Variants in SLC35F1 observed in about 807,000 individuals in gnomAD.
The protein encoded by SLC35F1 is chromosome 6 open reading frame 169.
SLC35F1 carries 14 observed loss-of-function variants against 48.7 expected under a neutral mutation model. That is an observed-to-expected ratio of 0.29 (90% CI 0.19 to 0.45). The LOEUF (loss-of-function observed/expected upper bound fraction) is 0.45. SLC35F1 is among the 20% of genes least tolerant of loss of function. The pLI is 1.00. For missense variants in SLC35F1, 404 were observed against 500.0 expected (o/e 0.81, Z 1.83); for synonymous variants, 190 against 202.2 (o/e 0.94, Z 0.51).
chr6:117,973,745 A>G (rs1370787721), intron 1 of SLC35F1, among the ~76,000 whole-genome samples: 1 of 152,136 alleles, frequency 6.6e-6, no homozygotes, highest in East Asian at 1.9e-4. Context: ...CTTGTTTTAT[A>G]GAAACTATAC....
chr6:117,953,217 C>T (rs935601206), intron 1 of SLC35F1, among the ~76,000 whole-genome samples: 6 of 152,098 alleles, frequency 3.9e-5, no homozygotes, highest in Non-Finnish European at 7.4e-5. Flanking sequence ...CTACATTTGG[C>T]AGAGAATGTA....
At chr6:118,172,402 T>C (rs139815899) in intron 2 of SLC35F1, among the ~76,000 whole-genome samples, 31 of 152,240 alleles carry the variant, frequency 2.0e-4, no homozygotes, top group African/African-American at 7.2e-4. Flanking sequence ...TCTGCACTCT[T>C]GTGGCATTTT....
At chr6:118,251,152 G>A (rs1775569742) in intron 3 of SLC35F1, among the ~76,000 whole-genome samples, 1 of 152,042 alleles carries the variant, frequency 6.6e-6, no homozygotes, top group Non-Finnish European at 1.5e-5. Context: ...GCTGGACATG[G>A]TGGCATGTGC....
chr6:118,199,396 A>C (rs1774843636), intron 2 of SLC35F1, among the ~76,000 whole-genome samples: 1 of 152,188 alleles, frequency 6.6e-6, no homozygotes, highest in African/African-American at 2.4e-5. Context: ...ATTCTATGTC[A>C]ATAAATTTTC....
At chr6:118,005,092 C>G (rs1016708702) in intron 1 of SLC35F1, among the ~76,000 whole-genome samples, 1 of 152,068 alleles carries the variant, frequency 6.6e-6, no homozygotes, top group African/African-American at 2.4e-5. Flanking sequence ...CAGAGGAGGT[C>G]TTACAGAAAG....
intron 1 of SLC35F1, among the ~76,000 whole-genome samples, chr6:118,082,630 T>C (rs760938812): frequency 6.6e-6 from 1 of 152,096 alleles, no homozygotes; most frequent in Non-Finnish European, 1.5e-5. Context: ...TTGAGCCTTC[T>C]GGGATAGCTG....
intron 2 of SLC35F1, among the ~76,000 whole-genome samples, chr6:118,188,845 T>C (rs946538476): frequency 2.0e-5 from 3 of 152,184 alleles, no homozygotes; most frequent in Admixed American, 2.0e-4. Flanking sequence ...AAAAGGCATT[T>C]CTCGGTCATA....
chr6:118,143,686 A>C (rs1773926861), intron 1 of SLC35F1, among the ~76,000 whole-genome samples: 1 of 152,214 alleles, frequency 6.6e-6, no homozygotes, highest in Non-Finnish European at 1.5e-5. Context: ...AATTTAAGTA[A>C]TCACTGAAAG....
At chr6:118,221,425 G>C (rs552176363) in intron 2 of SLC35F1, among the ~76,000 whole-genome samples, 74 of 152,204 alleles carry the variant, frequency 4.9e-4, no homozygotes, top group African/African-American at 1.7e-3. Flanking sequence ...TATTCCTCCT[G>C]ACCTCCAAGA....
rs147114385 is a variant in SLC35F1 at position 118,267,129 on chromosome 6, G to A, written c.612G>A (p.Val204=). 130 of 1,613,984 alleles carry A rather than the reference G, an allele frequency of 8.1e-5. No homozygotes were observed. In the African/African-American group the frequency reaches 1.5e-3, roughly 19 times the overall value. Residue 204 remains valine, a synonymous_variant, in exon 4 of 8, where the codon GTG becomes GTA. Transcript: ENST00000360388. ...LGMGCMVGAD[V]LVGRHQGAGE... is the part of the protein sequence containing the mutation. ...TGGGCTGCATGGTGGGAGCAGATGT[G>A]CTTGTGGGAAGACATCAGGGAGCAG...
At chr6:118,148,069 C>T (rs1038141413) in intron 1 of SLC35F1, among the ~76,000 whole-genome samples, 8 of 152,154 alleles carry the variant, frequency 5.3e-5, no homozygotes, top group South Asian at 2.1e-4. Flanking sequence ...TGGTAGAACA[C>T]GCTTCTCCCA....
At chr6:117,987,214 CATG>C (rs1300118262) in intron 1 of SLC35F1, among the ~76,000 whole-genome samples, 1 of 152,240 alleles carries the variant, frequency 6.6e-6, no homozygotes, top group East Asian at 1.9e-4. Flanking sequence ...GGGTCAGTTC[CATG>C]ATGTCTTTAT....
At position 118,025,103 on chromosome 6, in the gene SLC35F1, T is replaced by C. The variant is rs1018094078; in HGVS notation, c.173+117204T>C. ...CTATTATTAACTAAACCCCACACTT[T>C]ATTCAGATTTGCTTAATTTTTTCTA... On this transcript the variant is annotated intron_variant, in intron 1 of 7. Transcript: ENST00000360388. Among the ~76,000 whole-genome samples, 7 of 152,244 alleles carry C rather than the reference T, an allele frequency of 4.6e-5. No individual in the cohort carries two copies. In the East Asian group the frequency reaches 1.3e-3, roughly 29 times the overall value.
intron 1 of SLC35F1, among the ~76,000 whole-genome samples, chr6:117,947,620 GT>G (rs1776311299): frequency 2.0e-5 from 3 of 152,170 alleles, no homozygotes; most frequent in Admixed American, 6.5e-5. Flanking sequence ...ATATTTTGAA[GT>G]TAGAGCCATC....
At chr6:118,042,694 G>C (rs1772243442) in intron 1 of SLC35F1, among the ~76,000 whole-genome samples, 1 of 152,266 alleles carries the variant, frequency 6.6e-6, no homozygotes, top group African/African-American at 2.4e-5. Context: ...TTGGTCTGTT[G>C]CAATAGTCCA....
At chr6:117,988,473 A>C (rs1430113732) in intron 1 of SLC35F1, among the ~76,000 whole-genome samples, 1 of 152,234 alleles carries the variant, frequency 6.6e-6, no homozygotes, top group Non-Finnish European at 1.5e-5. Context: ...AAAACTCTCA[A>C]ATCTCCTGGG....
chr6:118,226,200 A>G (rs1208719445), intron 2 of SLC35F1, among the ~76,000 whole-genome samples: 1 of 152,214 alleles, frequency 6.6e-6, no homozygotes, highest in Non-Finnish European at 1.5e-5. Flanking sequence ...TGTCAAAAAG[A>G]CAAGGAATGA....
At chr6:118,179,954 G>C (rs924021702) in intron 2 of SLC35F1, among the ~76,000 whole-genome samples, 3 of 152,142 alleles carry the variant, frequency 2.0e-5, no homozygotes, top group Non-Finnish European at 4.4e-5. Flanking sequence ...TGTTGGACCA[G>C]AGACCTAGAG....
chr6:117,926,311 C>T (rs1434343403), intron 1 of SLC35F1, among the ~76,000 whole-genome samples: 2 of 152,160 alleles, frequency 1.3e-5, no homozygotes, highest in Non-Finnish European at 2.9e-5. Context: ...TGAAGAGGTG[C>T]TTTCTACCGT....
Sources: allele counts gnomAD v4.1 joint callset (sites outside exome capture counted in the v4.1 genomes callset), GRCh38; gene constraint gnomAD v4.1.1; transcripts MANE v1.5; gene names NCBI Gene and HGNC (gene_info 2026-07-23, HGNC 2026-07-21).